ABCB5: variants seen among roughly 807,000 people sequenced by gnomAD.
ABCB5 encodes the protein ATP binding cassette subfamily B member 5, also known as ATP-binding cassette sub-family B member 5.
ABCB5 carries 155 observed loss-of-function variants against 144.2 expected under a neutral mutation model. That is an observed-to-expected ratio of 1.08 (90% CI 0.94 to 1.23). The LOEUF (loss-of-function observed/expected upper bound fraction) is 1.23, where lower values mean the gene tolerates loss of function less well. Among genes scored for constraint, ABCB5 ranks in the 50% most tolerant of loss-of-function variants. The pLI is 0.00. For synonymous variants in ABCB5, 610 were observed against 528.6 expected, an observed-to-expected ratio of 1.15 and a Z score of -2.11; for missense variants, 1,830 against 1,520.8, an observed-to-expected ratio of 1.20 and a Z score of -3.38.
intron 21 of ABCB5, 128 bp from the exon 22 acceptor site, chr7:20,726,912 T>C (rs1283483223): frequency 4.0e-6 from 2 of 500,814 alleles, no homozygotes; most frequent in African/African-American, 4.0e-5. Context: ...GCTAAGAATA[T>C]TTGTCAGGAA....
chr7:20,736,616 T>C (rs576984417), intron 23 of ABCB5, among the ~76,000 whole-genome samples: 20 of 152,214 alleles, frequency 1.3e-4, no homozygotes, highest in Non-Finnish European at 2.8e-4. Flanking sequence ...ACATGAGAGA[T>C]TGTTGGCCTG....
At chr7:20,629,859 T>A (rs547027411) in intron 4 of ABCB5, among the ~76,000 whole-genome samples, 1 of 151,600 alleles carries the variant, frequency 6.6e-6, no homozygotes, top group Non-Finnish European at 1.5e-5. Flanking sequence ...TTTTTGGGGG[T>A]TTTTTGGTAG....
intron 20 of ABCB5, among the ~76,000 whole-genome samples, chr7:20,722,434 G>A (rs983567861): frequency 6.6e-6 from 1 of 152,176 alleles, no homozygotes; most frequent in Non-Finnish European, 1.5e-5. Flanking sequence ...TAAGGAGGTA[G>A]TATTTAATTT....
At chr7:20,682,121 C>G (rs1785851416) in intron 15 of ABCB5, among the ~76,000 whole-genome samples, 1 of 152,082 alleles carries the variant, frequency 6.6e-6, no homozygotes, top group Non-Finnish European at 1.5e-5. Context: ...AAGCGAATTG[C>G]TTGAACTAGG....
chr7:20,672,881 T>C (rs1047459818), intron 14 of ABCB5, among the ~76,000 whole-genome samples: 4 of 152,164 alleles, frequency 2.6e-5, no homozygotes, highest in African/African-American at 9.6e-5. Context: ...CATTGCGTCA[T>C]ATTGATGTAT....
rs9791568 is a variant in ABCB5, at chr7:20,620,920, T to A, written c.-21-2345T>A. ...ATACCCAAAAGAACTGAAACGAGGA[T>A]ACTCAAACAAATACTTCTATGCCAA... On this transcript the variant is annotated intron_variant, in intron 1 of 27. Transcript: ENST00000404938. Among the ~76,000 whole-genome samples, 6,907 of 152,092 alleles carry A rather than the reference T, an allele frequency of 0.045. 833 individuals are homozygous for A. The East Asian group carries it at 0.47, about 10-fold the overall frequency.
At chr7:20,719,970 CACAT>C (rs369607787) in intron 20 of ABCB5, among the ~76,000 whole-genome samples, 6 of 142,558 alleles carry the variant, frequency 4.2e-5, no homozygotes, top group Non-Finnish European at 4.6e-5. Context: ...CACACACACA[CACAT>C]TCTCTAGTCT....
intron 24 of ABCB5, among the ~76,000 whole-genome samples, chr7:20,742,105 G>A (rs977793163): frequency 3.9e-5 from 6 of 152,342 alleles, no homozygotes; most frequent in African/African-American, 1.4e-4. Flanking sequence ...TGGGTGTGGT[G>A]GCTCACGCCT....
chr7:20,619,856 T>A (rs1454497889), intron 1 of ABCB5, among the ~76,000 whole-genome samples: 7 of 152,240 alleles, frequency 4.6e-5, no homozygotes, highest in Non-Finnish European at 7.3e-5. Context: ...TTTTTATCTA[T>A]GGTGAAATGT....
In ABCB5 at chr7:20,742,988, G is replaced by A; in HGVS notation, c.3136G>A (p.Val1046Ile). The change falls in exon 25 of 28, where the codon GTA (valine) becomes ATA (isoleucine). Residue 1046 changes from valine to isoleucine, a missense_variant. Coordinates refer to ENST00000404938, the MANE Select transcript of ABCB5 (RefSeq NM_001163941.2). ...LSLSIERGKTVAFVGSSGCGK... is the reference protein window; with the variant it reads ...LSLSIERGKTIAFVGSSGCGK... The stretch of plus-strand genomic sequence containing the variant: ...CCTCAGTATTGAGCGAGGAAAGACA[G>A]TAGCATTTGTGGGGAGCAGCGGCTG... 2 of 1,614,074 alleles carry A rather than the reference G, an allele frequency of 1.2e-6. No individual in the cohort carries two copies. The highest frequency in any genetic ancestry group is 1.7e-6 in the Non-Finnish European group (2 of 1,179,962).
In ABCB5 at chr7:20,755,790, T is replaced by A; in HGVS notation, c.*166T>A. On this transcript the variant is annotated 3_prime_UTR_variant, in exon 28 of 28. Transcript: ENST00000404938. ...CACACACCATCTGACCTTCAGATTT[T>A]TAAAAGGAAGCAAAAATTTGCTTAT... The A allele has an allele frequency of 1.5e-6, 1 of 689,228 alleles. No homozygotes were observed. The highest frequency in any genetic ancestry group is 2.3e-6 in the Non-Finnish European group (1 of 434,482). The allele number at this position is 689,228 out of a possible 1,614,324, so 42.7% of individuals were successfully genotyped here. A position where few individuals can be genotyped will look rare whatever the true frequency, so the allele number is the denominator to read the frequency against.
intron 25 of ABCB5, among the ~76,000 whole-genome samples, chr7:20,744,682 C>T (rs1427336598): frequency 6.6e-6 from 1 of 151,846 alleles, no homozygotes; most frequent in Non-Finnish European, 1.5e-5. Flanking sequence ...TTAATGGGTG[C>T]AGCACACCAA....
intron 4 of ABCB5, among the ~76,000 whole-genome samples, chr7:20,630,600 T>C (rs746766615): frequency 3.3e-5 from 5 of 152,152 alleles, no homozygotes; most frequent in Admixed American, 6.5e-5. Context: ...ATGATGTAAA[T>C]TGATGCATAT....
chr7:20,688,797 G>T (rs574127123), intron 16 of ABCB5, among the ~76,000 whole-genome samples: 5 of 152,114 alleles, frequency 3.3e-5, no homozygotes, highest in Non-Finnish European at 5.9e-5. Context: ...CCATAAAAAA[G>T]GATGAGTTCA....
In ABCB5 at chr7:20,700,080, G is replaced by T. The variant is rs776884197; in HGVS notation, c.2282G>T (p.Gly761Val). 2 of 1,613,606 alleles carry T rather than the reference G, an allele frequency of 1.2e-6. No individual in the cohort carries two copies. The highest frequency in any genetic ancestry group is 1.7e-6 in the Non-Finnish European group (2 of 1,179,840). Residue 761 changes from glycine (G) to valine (V), a missense_variant, in exon 19 of 28, where the codon GGG becomes GTG. By Grantham distance (109) the Gly-to-Val change is moderately radical (BLOSUM62 -3). Transcript: ENST00000404938. ...CAGGGATTATTTTACGGCAGAGCAG[G>T]GGAAATTTTAACGATGAGATTAAGA... is the stretch of plus-strand genomic sequence containing the variant. ...FMQGLFYGRA[G>V]EILTMRLRHL... is the part of the protein sequence containing the mutation.
chr7:20,705,429 G>C (rs768841858), intron 20 of ABCB5, among the ~76,000 whole-genome samples: 2 of 152,136 alleles, frequency 1.3e-5, no homozygotes, highest in African/African-American at 2.4e-5. Flanking sequence ...TAATTTGTTA[G>C]TTTTCTTTTA....
At position 20,632,057 on chromosome 7, in the gene ABCB5, A is replaced by C. The variant is rs1331718565; in HGVS notation, c.260-2A>C. ...CTATATTTTAAATAACCTTTTTTAC[A>C]GCAAATTATCAGAACTGTACTCAGT... On this transcript the variant is annotated splice_acceptor_variant, in intron 4 of 27. Coordinates refer to ENST00000404938, the MANE Select transcript of ABCB5 (RefSeq NM_001163941.2). LOFTEE classifies it high-confidence loss of function. 21 of 1,506,352 alleles carry C rather than the reference A, an allele frequency of 1.4e-5. No homozygotes were observed. The highest frequency in any genetic ancestry group is 1.7e-5 in the Non-Finnish European group (19 of 1,124,934). 93.3% of individuals were successfully genotyped at this position (1,506,352 alleles called of 1,614,324 possible). A position where few individuals can be genotyped will look rare whatever the true frequency, so the allele number is the denominator to read the frequency against.
intron 20 of ABCB5, among the ~76,000 whole-genome samples, chr7:20,708,494 A>G (rs555069327): frequency 6.6e-6 from 1 of 152,124 alleles, no homozygotes; most frequent in South Asian, 2.1e-4. Context: ...ACAAAGTGAG[A>G]TCTTGTCTGA....
chr7:20,718,286 C>T (rs1781752810), intron 20 of ABCB5, among the ~76,000 whole-genome samples: 1 of 152,098 alleles, frequency 6.6e-6, no homozygotes, highest in Non-Finnish European at 1.5e-5. Context: ...ACAATGTAGC[C>T]TATAACATAC....
Sources: gnomAD v4.1 joint callset for allele counts (sites outside exome capture counted in the v4.1 genomes callset) on GRCh38, gnomAD v4.1.1 for gene constraint, MANE v1.5 for transcripts, NCBI Gene and HGNC (gene_info 2026-07-23, HGNC 2026-07-21) for gene names.